The following PRAC2 variants were observed in gnomAD, a reference collection of about 807,000 sequenced individuals.
PRAC2 encodes PRAC2 small nuclear protein.
For missense variants in PRAC2, 92 were observed against 114.5 expected (o/e 0.80, Z 0.90); for synonymous variants, 43 against 49.5 (o/e 0.87, Z 0.55).
At chr17:48,722,532 A>G (rs2038157266), upstream of PRAC2, 1 of 715,308 alleles carries the variant, frequency 1.4e-6, no homozygotes, top group Non-Finnish European at 2.5e-6. Flanking sequence ...GGAGCACAGC[A>G]CTGGGTGCCC....
At chr17:48,722,255 C>G, upstream of PRAC2, 1 of 1,407,182 alleles carries the variant, frequency 7.1e-7, no homozygotes, top group Non-Finnish European at 1.0e-6. Context: ...CCCAGGGCCT[C>G]CTGATGCAGC....
At chr17:48,719,547 G>A (rs2038126011), upstream of PRAC2, among the ~76,000 whole-genome samples, 2 of 152,216 alleles carry the variant, frequency 1.3e-5, no homozygotes, top group Non-Finnish European at 2.9e-5. Flanking sequence ...ACCGAGCGGC[G>A]ACGGCCTCGT....
chr17:48,724,643 G>T lies in PRAC2; in HGVS notation c.233G>T (p.Arg78Leu). Residue 78 changes from arginine (R) to leucine (L), a missense_variant, in exon 2 of 2, where the codon CGG (arginine) becomes CTG (leucine). Coordinates refer to ENST00000422730, the MANE Select transcript of PRAC2 (RefSeq NM_001282275.2). Reference protein sequence around the residue: ...APGRWKPVAPRTMKACPQVLL... With the variant: ...APGRWKPVAPLTMKACPQVLL... ...GGCCGCTGGAAGCCTGTAGCTCCGC[G>T]GACGATGAAAGCCTGCCCGCAGGTT... 1.1e-5 allele frequency: 14 copies of T among 1,232,188 alleles called. No homozygotes were observed. 76.3% of individuals were successfully genotyped at this position (1,232,188 alleles called of 1,614,324 possible).
At chr17:48,721,757 C>A, upstream of PRAC2, 1 of 1,449,758 alleles carries the variant, frequency 6.9e-7, no homozygotes, top group South Asian at 1.5e-5. Flanking sequence ...TAAATAGAGA[C>A]AGCGTCTTGC....
At chr17:48,721,799 G>A (rs2038147559), upstream of PRAC2, 3 of 1,538,880 alleles carry the variant, frequency 1.9e-6, no homozygotes, top group African/African-American at 1.4e-5. Context: ...GAACTCCTGT[G>A]CTCAAGGAAT....
rs1426767608 is a variant in PRAC2, at chr17:48,724,529, G to A, written c.119G>A (p.Gly40Glu). The A allele has an allele frequency of 7.3e-6, 9 of 1,232,962 alleles. No individual in the cohort carries two copies. The highest frequency in any genetic ancestry group is 3.1e-5 in the African/African-American group (2 of 64,412). The allele number at this position is 1,232,962 out of a possible 1,614,324, so 76.4% of individuals were successfully genotyped here. A position where few individuals can be genotyped will look rare whatever the true frequency, so the allele number is the denominator to read the frequency against. Residue 40 changes from glycine (G) to glutamate (E), a missense_variant, in exon 2 of 2, where the codon GGA becomes GAA. Gly to Glu is a moderately conservative substitution (Grantham distance 98). Transcript: ENST00000422730. Reference protein sequence around the residue: ...LAFFLGLSGAGPIHLPMPWPN... With the variant: ...LAFFLGLSGAEPIHLPMPWPN... Reference sequence around the variant, plus strand: ...TTCTTCCTGGGTCTCTCGGGGGCTGGACCAATACATCTGCCGATGCCCTGG... The same window carrying A: ...TTCTTCCTGGGTCTCTCGGGGGCTGAACCAATACATCTGCCGATGCCCTGG...
chr17:48,722,417 G>T (rs1416306347), upstream of PRAC2: 1 of 1,608,676 alleles, frequency 6.2e-7, no homozygotes, highest in Non-Finnish European at 8.5e-7. Context: ...CAAAGGTGGG[G>T]ACCAGAATCC....
chr17:48,720,864 G>C (rs1202500426), upstream of PRAC2, among the ~76,000 whole-genome samples: 1 of 152,186 alleles, frequency 6.6e-6, no homozygotes, highest in Non-Finnish European at 1.5e-5. Context: ...GAAGGGCCTT[G>C]CAGGGAGAGG....
At chr17:48,722,200 T>G, upstream of PRAC2, 1 of 873,926 alleles carries the variant, frequency 1.1e-6, no homozygotes, top group East Asian at 2.5e-5. Context: ...CCTTCCCTTG[T>G]TTCCCAAAAC....
upstream of PRAC2, among the ~76,000 whole-genome samples, chr17:48,720,138 C>A (rs2038131300): frequency 6.6e-6 from 1 of 152,216 alleles, no homozygotes; most frequent in Non-Finnish European, 1.5e-5. Context: ...TGCCTCTCTG[C>A]CCTCAGCCTG....
At position 48,724,393 on chromosome 17, in the gene PRAC2, G is replaced by C. The variant is rs1018184442; in HGVS notation, c.-18G>C. 9.7e-6 allele frequency: 12 copies of C among 1,234,232 alleles called. No homozygotes were observed. The African/African-American group carries it at 1.7e-4, about 18-fold the overall frequency. 76.5% of individuals were successfully genotyped at this position (1,234,232 alleles called of 1,614,324 possible). A position where few individuals can be genotyped will look rare whatever the true frequency, so the allele number is the denominator to read the frequency against. On this transcript the variant is annotated 5_prime_UTR_variant, in exon 2 of 2. Transcript: ENST00000422730. ...GGTCCACACCACTAATTATTATGGCGAGGAAGATAAAGAAGACATGGACAG... is the reference window on the plus strand; with the variant it reads ...GGTCCACACCACTAATTATTATGGCCAGGAAGATAAAGAAGACATGGACAG...
chr17:48,722,704 T>C (rs2038158745), upstream of PRAC2, among the ~76,000 whole-genome samples: 1 of 152,180 alleles, frequency 6.6e-6, no homozygotes, highest in Non-Finnish European at 1.5e-5. Context: ...CTGGTTGCTG[T>C]GGCCCTTCCT....
At position 48,723,261 on chromosome 17, in the gene PRAC2, C is replaced by T. The variant is rs114401159; in HGVS notation, c.-136C>T. On this transcript the variant is annotated 5_prime_UTR_variant, in exon 1 of 2. Transcript: ENST00000422730. ...GTATAAATTTCAAAAACAACGAAAC[C>T]TTCTTTTGCCCCCTCCGCAGCAGTC... 5.8e-3 allele frequency: 900 copies of T among 156,026 alleles called. 11 individuals are homozygous for T. The highest frequency in any genetic ancestry group is 0.02 in the African/African-American group (843 of 41,720). The allele number at this position is 156,026 out of a possible 1,614,324, so 9.7% of individuals were successfully genotyped here.
chr17:48,723,173 G>A (rs533699513), upstream of PRAC2: 14 of 152,310 alleles, frequency 9.2e-5, no homozygotes, highest in South Asian at 1.2e-3. Context: ...CTAGAGGCCC[G>A]GGGCCGCTCC....
At position 48,724,659 on chromosome 17, in the gene PRAC2, C is replaced by G; in HGVS notation, c.249C>G (p.Cys83Trp). The change falls in exon 2 of 2, where the codon TGC becomes TGG. Residue 83 changes from cysteine (C) to tryptophan (W), a missense_variant. Cys to Trp is a radical substitution (Grantham distance 215, BLOSUM62 -2). Coordinates refer to ENST00000422730, the MANE Select transcript of PRAC2 (RefSeq NM_001282275.2). The stretch of plus-strand genomic sequence containing the variant: ...TAGCTCCGCGGACGATGAAAGCCTG[C>G]CCGCAGGTTCTCCTGGAGTGGTGAG... ...KPVAPRTMKA[C>W]PQVLLEW The G allele has an allele frequency of 1.6e-6, 2 of 1,232,174 alleles. No individual in the cohort carries two copies. The highest frequency in any genetic ancestry group is 2.0e-6 in the Non-Finnish European group (2 of 987,984). 76.3% of individuals were successfully genotyped at this position (1,232,174 alleles called of 1,614,324 possible).
At chr17:48,721,060 C>T (rs1171815300), upstream of PRAC2, among the ~76,000 whole-genome samples, 2 of 152,082 alleles carry the variant, frequency 1.3e-5, no homozygotes, top group Admixed American at 1.3e-4. Flanking sequence ...GGGAAGGAGC[C>T]AGCTGTGGGG....
At chr17:48,721,063 C>T (rs1004874972), upstream of PRAC2, among the ~76,000 whole-genome samples, 3 of 152,154 alleles carry the variant, frequency 2.0e-5, no homozygotes, top group African/African-American at 7.2e-5. Flanking sequence ...AAGGAGCCAG[C>T]TGTGGGGAGA....
chr17:48,721,856 T>C (rs1193280832), upstream of PRAC2: 2 of 1,541,536 alleles, frequency 1.3e-6, no homozygotes, highest in Non-Finnish European at 8.8e-7. Flanking sequence ...GGCTGAGCCA[T>C]CACTCCTGGT....
At chr17:48,721,285 G>A (rs2038142284), upstream of PRAC2, among the ~76,000 whole-genome samples, 1 of 152,146 alleles carries the variant, frequency 6.6e-6, no homozygotes, top group South Asian at 2.1e-4. Context: ...TGCAGGAAAG[G>A]GAATAAGGAA....
Sources: gnomAD v4.1 joint callset for allele counts (sites outside exome capture counted in the v4.1 genomes callset) on GRCh38, gnomAD v4.1.1 for gene constraint, MANE v1.5 for transcripts, NCBI Gene and HGNC (gene_info 2026-07-23, HGNC 2026-07-21) for gene names.